NDRG1: variants seen among roughly 807,000 people sequenced by gnomAD.
NDRG1 encodes the protein N-myc downstream regulated 1, also known as protein NDRG1.
In NDRG1, 32 loss-of-function variants were observed where a neutral mutation model predicts 56.9. The observed-to-expected ratio is 0.56, with a 90% confidence interval of 0.42 to 0.76. The LOEUF (loss-of-function observed/expected upper bound fraction) is 0.76. Among genes scored for constraint, NDRG1 ranks in the 30% least tolerant of loss-of-function variants. NDRG1 has a pLI of 0.00. For missense variants in NDRG1, 507 were observed against 545.7 expected (o/e 0.93, Z 0.71); for synonymous variants, 211 against 204.1 (o/e 1.03, Z -0.29).
chr8:133,294,315 C>T (rs979273096), intron 1 of NDRG1, among the ~76,000 whole-genome samples: 2 of 152,188 alleles, frequency 1.3e-5, no homozygotes, highest in African/African-American at 4.8e-5. Context: ...TGGAGCAATA[C>T]GATCCAGGCA....
intron 12 of NDRG1, 81 bp downstream of exon 12, chr8:133,247,794 G>T: frequency 7.0e-7 from 1 of 1,437,786 alleles, no homozygotes; most frequent in Non-Finnish European, 9.8e-7. Flanking sequence ...GAGAGGAGGG[G>T]CAGGCAGGGC....
intron 1 of NDRG1, among the ~76,000 whole-genome samples, chr8:133,292,139 G>C (rs1396260189): frequency 5.3e-5 from 8 of 152,192 alleles, no homozygotes; most frequent in Non-Finnish European, 1.5e-5. Flanking sequence ...TCTCCTTAGA[G>C]GATTATTTTG....
intron 2 of NDRG1, among the ~76,000 whole-genome samples, chr8:133,280,507 T>C (rs537516037): frequency 6.6e-6 from 1 of 151,504 alleles, no homozygotes; most frequent in Non-Finnish European, 1.5e-5. Context: ...CACTGCAAGC[T>C]CCGCCTCCCA....
chr8:133,259,279 G>T, intron 5 of NDRG1, 49 bp from the exon 6 acceptor site: 2 of 1,575,822 alleles, frequency 1.3e-6, no homozygotes, highest in Non-Finnish European at 1.7e-6. Flanking sequence ...ACAGAAACGG[G>T]TAATCCAAAC....
chr8:133,255,585 G>A, intron 8 of NDRG1: 3 of 337,994 alleles, frequency 8.9e-6, no homozygotes, highest in Non-Finnish European at 1.8e-5. Context: ...TTCCTTTGCT[G>A]GAAAATCAAA....
intron 3 of NDRG1, among the ~76,000 whole-genome samples, chr8:133,274,941 C>A (rs1354961965): frequency 6.6e-6 from 1 of 152,198 alleles, no homozygotes; most frequent in African/African-American, 2.4e-5. Context: ...CAGTGCTGGC[C>A]TGGCTCATCA....
chr8:133,292,368 G>A (rs947458332), intron 1 of NDRG1, among the ~76,000 whole-genome samples: 2 of 152,170 alleles, frequency 1.3e-5, no homozygotes, highest in African/African-American at 4.8e-5. Flanking sequence ...GTCTATGCAA[G>A]ATGGTCCAAG....
rs995056665 is a variant in NDRG1 at position 133,238,570 on chromosome 8, G to A, written c.*308C>T. ...GGCTTTGTGAAGTGTGTGCTGCTAC[G>A]CGTCTTGTTTTTGGCAGTTTGGTGT... is the stretch of plus-strand genomic sequence containing the variant. On this transcript the variant is annotated 3_prime_UTR_variant, in exon 16 of 16. Coordinates refer to ENST00000323851, the MANE Select transcript of NDRG1 (RefSeq NM_006096.4). 2.9e-5 allele frequency: 14 copies of A among 475,708 alleles called. No individual in the cohort carries two copies. Among genetic ancestry groups the A allele is most frequent in the Admixed American group, 2.6e-4 (7 of 27,158 alleles). 29.5% of individuals were successfully genotyped at this position (475,708 alleles called of 1,614,324 possible). A position where few individuals can be genotyped will look rare whatever the true frequency, so the allele number is the denominator to read the frequency against.
At chr8:133,292,083 C>T (rs1858461412) in intron 1 of NDRG1, among the ~76,000 whole-genome samples, 1 of 152,180 alleles carries the variant, frequency 6.6e-6, no homozygotes, top group African/African-American at 2.4e-5. Context: ...AGACGACCGT[C>T]TGAGGGGACG....
Position 133,242,060 on chromosome 8 carries a change from A to G in NDRG1, c.906T>C (p.Ala302=), listed in dbSNP as rs572270834. 3.1e-6 allele frequency: 5 copies of G among 1,614,244 alleles called. No individual in the cohort carries two copies. The highest frequency in any genetic ancestry group is 4.2e-6 in the Non-Finnish European group (5 of 1,180,040). The part of the protein sequence containing the change: ...LPQISQPAKL[A]EAFKYFVQGM... The stretch of plus-strand genomic sequence containing the variant: ...CCTGCACGAAGTACTTGAAGGCCTC[A>G]GCGAGCTTGGCCGGCTGCGAGAGAC... Residue 302 remains alanine (A), a synonymous_variant, in exon 15 of 16, where the codon GCT becomes GCC. Coordinates refer to ENST00000323851, the MANE Select transcript of NDRG1 (RefSeq NM_006096.4).
intron 4 of NDRG1, among the ~76,000 whole-genome samples, chr8:133,262,977 C>T (rs1012224663): frequency 3.3e-5 from 5 of 152,194 alleles, no homozygotes; most frequent in Non-Finnish European, 5.9e-5. Context: ...CCACTAAACA[C>T]CCACTAAACT....
intron 5 of NDRG1, among the ~76,000 whole-genome samples, chr8:133,260,731 G>A (rs2130732314): frequency 6.6e-6 from 1 of 152,254 alleles, no homozygotes; most frequent in Middle Eastern, 3.4e-3. Flanking sequence ...CTTCCTCTCT[G>A]ATAAAGGTTA....
chr8:133,260,738 G>A (rs1185484009), intron 5 of NDRG1, among the ~76,000 whole-genome samples: 1 of 152,124 alleles, frequency 6.6e-6, no homozygotes, highest in African/African-American at 2.4e-5. Flanking sequence ...TCTGATAAAG[G>A]TTAATTATTA....
At chr8:133,260,234 G>A (rs1856593865) in intron 5 of NDRG1, among the ~76,000 whole-genome samples, 1 of 152,082 alleles carries the variant, frequency 6.6e-6, no homozygotes, top group South Asian at 2.1e-4. Flanking sequence ...CTGTGTAGGT[G>A]GTGGACACCG....
At chr8:133,282,594 G>C (rs919296496) in intron 2 of NDRG1, among the ~76,000 whole-genome samples, 1 of 152,234 alleles carries the variant, frequency 6.6e-6, no homozygotes, top group Non-Finnish European at 1.5e-5. Context: ...CTATGTCACA[G>C]ACCCAGAGTT....
In NDRG1 at chr8:133,248,703, A is replaced by T. The variant is rs1316094355; in HGVS notation, c.755+12T>A. 4 of 1,614,086 alleles carry T rather than the reference A, an allele frequency of 2.5e-6. No homozygotes were observed. The highest frequency in any genetic ancestry group is 3.4e-6 in the Non-Finnish European group (4 of 1,180,038). On this transcript the variant is annotated intron_variant, in intron 11 of 15. Transcript: ENST00000323851. ...CCGACTGCAAGTGCTGGGGGAGAGA[A>T]AAGCCACTCACTGCAGGGTGACTGT...
chr8:133,277,148 T>C (rs2130778657), intron 3 of NDRG1, among the ~76,000 whole-genome samples: 1 of 152,298 alleles, frequency 6.6e-6, no homozygotes, highest in South Asian at 2.1e-4. Context: ...ACTGCACTTG[T>C]ATGAGGTACT....
chr8:133,250,410 C>G, intron 10 of NDRG1, 30 bp downstream of exon 10: 4 of 1,564,380 alleles, frequency 2.6e-6, no homozygotes, highest in Non-Finnish European at 3.5e-6. Context: ...TCATAAATAG[C>G]AATGATGTGG....
intron 3 of NDRG1, among the ~76,000 whole-genome samples, chr8:133,278,031 C>A (rs1857556693): frequency 6.6e-6 from 1 of 152,142 alleles, no homozygotes; most frequent in South Asian, 2.1e-4. Context: ...AACCTCAGTG[C>A]CAGCAAGCCG....
Sources: allele counts gnomAD v4.1 joint callset (sites outside exome capture counted in the v4.1 genomes callset), GRCh38; gene constraint gnomAD v4.1.1; transcripts MANE v1.5; gene names NCBI Gene and HGNC (gene_info 2026-07-23, HGNC 2026-07-21).